LCMT1: variants seen among roughly 807,000 people sequenced by gnomAD.
The protein encoded by LCMT1 is [Phosphatase 2A protein]-leucine-carboxy methyltransferase 1.
In LCMT1, 32 loss-of-function variants were observed where a neutral mutation model predicts 47.7. The observed-to-expected ratio is 0.67, with a 90% CI of 0.51 to 0.90. The LOEUF is 0.90. Ranked by LOEUF, LCMT1 falls within the 40% of genes least tolerant of loss-of-function variation. The pLI, the probability that LCMT1 is intolerant of heterozygous loss-of-function variation, is 0.00. For missense variants in LCMT1, 375 were observed against 415.2 expected (o/e 0.90, Z 0.84); for synonymous variants, 152 against 149.7 (o/e 1.02, Z -0.11).
intron 3 of LCMT1, among the ~76,000 whole-genome samples, chr16:25,139,032 C>T (rs184290688): frequency 5.8e-4 from 88 of 152,140 alleles, no homozygotes; most frequent in Non-Finnish European, 9.6e-4. Flanking sequence ...CTCCGTTTCC[C>T]GGGTTCAAGC....
chr16:25,164,712 C>T lies in LCMT1; in HGVS notation c.684C>T (p.Tyr228=), dbSNP rs147289367. The part of the protein sequence containing the change: ...NSFERAMFIN[Y]EQVNMGDRFG... Reference sequence around the variant, plus strand: ...TTGAGAGAGCCATGTTCATAAACTACGAACAGGTAAAAGGAAGCACAGGAG... The same window carrying T: ...TTGAGAGAGCCATGTTCATAAACTATGAACAGGTAAAAGGAAGCACAGGAG... The change falls in exon 7 of 11, where the codon TAC becomes TAT. Residue 228 remains tyrosine, a synonymous_variant. Transcript: ENST00000399069. 75 of 1,613,960 alleles carry T rather than the reference C, an allele frequency of 4.6e-5. No homozygotes were observed. The East Asian group carries it at 7.4e-4, about 16-fold the overall frequency.
chr16:25,122,523 C>G (rs1960023778), intron 1 of LCMT1, among the ~76,000 whole-genome samples: 1 of 151,874 alleles, frequency 6.6e-6, no homozygotes, highest in African/African-American at 2.4e-5. Context: ...GAGATGGGGT[C>G]TTACTTTGTT....
rs2141682333 is a variant in LCMT1 at position 25,151,611 on chromosome 16, G to C, written c.462G>C (p.Gln154His). The C allele has an allele frequency of 6.2e-7, 1 of 1,612,734 alleles. No individual in the cohort carries two copies. The highest frequency in any genetic ancestry group is 8.5e-7 in the Non-Finnish European group (1 of 1,179,216). ...ILELHSEDTL[Q>H]MDGHILDSKR... ...AACTGCATTCAGAGGACACACTTCA[G>C]ATGGGCAAGTATCAAGCTAATGCAA... The change falls in exon 5 of 11, where the codon CAG becomes CAC. Residue 154 changes from glutamine (Q) to histidine (H), a missense_variant. By Grantham distance (24) the Gln-to-His change is conservative. Coordinates refer to ENST00000399069, the MANE Select transcript of LCMT1 (RefSeq NM_016309.3).
chr16:25,168,999 G>A (rs1051560923), intron 7 of LCMT1, 113 bp from the exon 8 acceptor site: 1 of 747,746 alleles, frequency 1.3e-6, no homozygotes, highest in African/African-American at 1.7e-5. Flanking sequence ...CCTATGCTGG[G>A]TGTGCGTCAT....
At chr16:25,118,008 CT>C (rs761236455) in intron 1 of LCMT1, among the ~76,000 whole-genome samples, 1 of 152,142 alleles carries the variant, frequency 6.6e-6, no homozygotes, top group Non-Finnish European at 1.5e-5. Flanking sequence ...TCCTTAACCT[CT>C]GTTTCTGCCG....
chr16:25,138,113 G>A lies in LCMT1; in HGVS notation c.328-2058G>A, dbSNP rs1960557861. 3.9e-5 allele frequency among the ~76,000 whole-genome samples: 6 copies of A among 152,348 alleles called. No homozygotes were observed. The South Asian group carries it at 1.0e-3, about 26-fold the overall frequency. The stretch of plus-strand genomic sequence containing the variant: ...GCGAAGCCATCACCAGGTTCTGGAT[G>A]TCAGCAGTCTTCTTTGTTTTAAAAA... On this transcript the variant is annotated intron_variant, in intron 3 of 10. Transcript: ENST00000399069.
intron 1 of LCMT1, among the ~76,000 whole-genome samples, chr16:25,118,562 G>T (rs1959870855): frequency 6.6e-6 from 1 of 152,098 alleles, no homozygotes; most frequent in Non-Finnish European, 1.5e-5. Flanking sequence ...AAACAAATCA[G>T]CACAATATGT....
At chr16:25,177,145 A>T (rs768529899) in intron 10 of LCMT1, among the ~76,000 whole-genome samples, 9 of 149,232 alleles carry the variant, frequency 6.0e-5, no homozygotes, top group Non-Finnish European at 1.2e-4. Flanking sequence ...GCACCACTGT[A>T]CTCCAGCCTG....
intron 10 of LCMT1, among the ~76,000 whole-genome samples, chr16:25,175,761 G>T (rs1961912529): frequency 6.6e-6 from 1 of 152,152 alleles, no homozygotes; most frequent in Non-Finnish European, 1.5e-5. Context: ...AATGAAAGAT[G>T]TATTTGGAAC....
intron 7 of LCMT1, among the ~76,000 whole-genome samples, chr16:25,165,290 C>T (rs1304848018): frequency 6.6e-6 from 1 of 152,194 alleles, no homozygotes; most frequent in African/African-American, 2.4e-5. Flanking sequence ...GTATGATTTA[C>T]CAGCTGCCTG....
At chr16:25,139,902 C>T (rs1323928356) in intron 3 of LCMT1, among the ~76,000 whole-genome samples, 1 of 152,174 alleles carries the variant, frequency 6.6e-6, no homozygotes, top group Non-Finnish European at 1.5e-5. Context: ...CCCATCATCC[C>T]AGCTGCCACC....
intron 7 of LCMT1, 111 bp downstream of exon 7, chr16:25,164,829 T>G: frequency 2.9e-6 from 4 of 1,380,364 alleles, no homozygotes; most frequent in Non-Finnish European, 4.1e-6. Context: ...GCCTCCAGCC[T>G]CTCACATATC....
intron 3 of LCMT1, among the ~76,000 whole-genome samples, chr16:25,138,568 G>C (rs569424190): frequency 6.6e-6 from 1 of 152,220 alleles, no homozygotes; most frequent in South Asian, 2.1e-4. Flanking sequence ...TTTCATATTT[G>C]TTTGACTGCA....
At chr16:25,113,113 C>A (rs1302645176) in intron 1 of LCMT1, among the ~76,000 whole-genome samples, 4 of 140,646 alleles carry the variant, frequency 2.8e-5, no homozygotes, top group Admixed American at 7.5e-5. Flanking sequence ...TGCACTCCAA[C>A]CTGGATGAGA....
chr16:25,132,028 T>C (rs1174059440), intron 2 of LCMT1: 1 of 321,730 alleles, frequency 3.1e-6, no homozygotes, highest in African/African-American at 2.1e-5. Flanking sequence ...ATTTTTCATA[T>C]GATCTCACAA....
chr16:25,122,467 C>T (rs983480704), intron 1 of LCMT1, among the ~76,000 whole-genome samples: 7 of 151,684 alleles, frequency 4.6e-5, no homozygotes, highest in Non-Finnish European at 7.4e-5. Flanking sequence ...CACTACCATG[C>T]CCGGCTGTGT....
chr16:25,131,025 C>T (rs1960336682), intron 2 of LCMT1, among the ~76,000 whole-genome samples: 1 of 152,194 alleles, frequency 6.6e-6, no homozygotes, highest in South Asian at 2.1e-4. Flanking sequence ...GTTAATGACA[C>T]TATTAGGCTC....
At chr16:25,128,453 C>T in intron 1 of LCMT1, 22 bp from the exon 2 acceptor site, 1 of 1,568,616 alleles carries the variant, frequency 6.4e-7, no homozygotes, top group African/African-American at 1.3e-5. Flanking sequence ...TACTCACCTT[C>T]CTCCTTTTTT....
At chr16:25,121,937 A>G (rs1244993461) in intron 1 of LCMT1, among the ~76,000 whole-genome samples, 1 of 152,184 alleles carries the variant, frequency 6.6e-6, no homozygotes, top group East Asian at 1.9e-4. Context: ...TAATGGCTGC[A>G]CAGTGTTCTG....
Sources: gnomAD v4.1 joint callset for allele counts (sites outside exome capture counted in the v4.1 genomes callset) on GRCh38, gnomAD v4.1.1 for gene constraint, MANE v1.5 for transcripts, NCBI Gene and HGNC (gene_info 2026-07-23, HGNC 2026-07-21) for gene names.